ADAMTSL1: variants seen among roughly 807,000 people sequenced by gnomAD.
ADAMTSL1 encodes the protein ADAMTS-like protein 1.
A neutral mutation model predicts 201.8 loss-of-function variants in ADAMTSL1; 126 were observed. The ratio of observed to expected loss-of-function variants is 0.62; its 90% confidence interval spans 0.54 to 0.72. The LOEUF is 0.72. Among genes scored for constraint, ADAMTSL1 ranks in the 30% least tolerant of loss-of-function variants. The probability of loss-of-function intolerance (pLI) is 0.00; values close to 1 mark genes in which losing one functional copy is unlikely to be tolerated. For missense variants in ADAMTSL1, 2,679 were observed against 2,277.8 expected (o/e 1.18, Z -3.59); for synonymous variants, 1,121 against 903.4 (o/e 1.24, Z -4.32).
chr9:18,527,979 G>C (rs1434373885), intron 2 of ADAMTSL1, among the ~76,000 whole-genome samples: 3 of 152,134 alleles, frequency 2.0e-5, no homozygotes, highest in Non-Finnish European at 4.4e-5. Context: ...CTGGGTTCCA[G>C]TGATTCTCCT....
chr9:18,055,673 G>A (rs969470908), intron 1 of ADAMTSL1, among the ~76,000 whole-genome samples: 3 of 152,188 alleles, frequency 2.0e-5, no homozygotes, highest in East Asian at 1.9e-4. Context: ...TCGCAGGGGC[G>A]CTGTGTCTTA....
At chr9:18,825,275 G>A (rs1824475602) in intron 21 of ADAMTSL1, among the ~76,000 whole-genome samples, 1 of 152,124 alleles carries the variant, frequency 6.6e-6, no homozygotes, top group Non-Finnish European at 1.5e-5. Flanking sequence ...AATTCATGGG[G>A]TCCCTAGAGC....
Position 17,909,663 on chromosome 9 carries a change from T to C in ADAMTSL1, c.87+2741T>C, listed in dbSNP as rs1246362615. ...AATACTATGCAGCCATAAAAAATGA[T>C]GAGTTCATGTCCTTTGTAGGGACAT... On this transcript the variant is annotated intron_variant, in intron 1 of 29. Coordinates refer to the ADAMTSL1 transcript ENST00000680146. Among the ~76,000 whole-genome samples, 8 of 67,726 alleles carry C rather than the reference T, an allele frequency of 1.2e-4. 3 individuals are homozygous for C. The highest frequency in any genetic ancestry group is 3.6e-4 in the Non-Finnish European group (8 of 22,328). The allele number at this position is 67,726 out of a possible 152,430, so 44.4% of individuals were successfully genotyped here.
At chr9:18,096,059 T>C (rs935250933) in intron 1 of ADAMTSL1, among the ~76,000 whole-genome samples, 1 of 152,202 alleles carries the variant, frequency 6.6e-6, no homozygotes, top group African/African-American at 2.4e-5. Context: ...AGACTTCCCA[T>C]AGTCAGTCAA....
intron 1 of ADAMTSL1, among the ~76,000 whole-genome samples, chr9:18,011,929 G>T (rs1820069835): frequency 6.6e-6 from 1 of 152,012 alleles, no homozygotes; most frequent in Non-Finnish European, 1.5e-5. Context: ...TGGAGCTTTG[G>T]CAGAGTGTTC....
chr9:18,463,632 A>T (rs964004910), intron 2 of ADAMTSL1, among the ~76,000 whole-genome samples: 5 of 152,178 alleles, frequency 3.3e-5, no homozygotes, highest in African/African-American at 1.2e-4. Flanking sequence ...AAATAAGTAG[A>T]ATCCTACATG....
chr9:18,539,574 C>A (rs1028912842), intron 3 of ADAMTSL1, among the ~76,000 whole-genome samples: 4 of 152,298 alleles, frequency 2.6e-5, no homozygotes, highest in Non-Finnish European at 5.9e-5. Context: ...ACTCTTTGAA[C>A]TATTTGATCA....
chr9:18,261,363 G>T (rs1405011308), intron 2 of ADAMTSL1, among the ~76,000 whole-genome samples: 3 of 152,098 alleles, frequency 2.0e-5, no homozygotes, highest in Non-Finnish European at 4.4e-5. Context: ...AAGCATGGTT[G>T]TGCAATCTAA....
chr9:18,084,118 C>T (rs372542679), intron 1 of ADAMTSL1, among the ~76,000 whole-genome samples: 1 of 152,186 alleles, frequency 6.6e-6, no homozygotes, highest in Non-Finnish European at 1.5e-5. Flanking sequence ...CTTTGCCATG[C>T]GAGAATCAAT....
chr9:17,934,570 C>A (rs1187420952), intron 1 of ADAMTSL1, among the ~76,000 whole-genome samples: 1 of 152,112 alleles, frequency 6.6e-6, no homozygotes, highest in African/African-American at 2.4e-5. Flanking sequence ...AACAATGATA[C>A]CAAATTTCCC....
chr9:18,842,673 T>A (rs1353392919), intron 23 of ADAMTSL1, among the ~76,000 whole-genome samples: 1 of 152,118 alleles, frequency 6.6e-6, no homozygotes, highest in Non-Finnish European at 1.5e-5. Flanking sequence ...GGAGTCTAAG[T>A]CTCTTTGTAG....
chr9:18,815,289 A>C (rs1246508294), intron 20 of ADAMTSL1, among the ~76,000 whole-genome samples: 1 of 152,144 alleles, frequency 6.6e-6, no homozygotes, highest in South Asian at 2.1e-4. Flanking sequence ...CACAATATCC[A>C]AGATATAGAA....
chr9:18,205,248 T>C (rs1414471160), intron 2 of ADAMTSL1, among the ~76,000 whole-genome samples: 5 of 152,208 alleles, frequency 3.3e-5, no homozygotes, highest in Non-Finnish European at 7.3e-5. Flanking sequence ...TGACTCATAA[T>C]TATATACACT....
chr9:18,145,385 G>C (rs901814657), intron 1 of ADAMTSL1, among the ~76,000 whole-genome samples: 35 of 152,140 alleles, frequency 2.3e-4, no homozygotes, highest in African/African-American at 8.2e-4. Flanking sequence ...TGCGTTCTAA[G>C]TGACTCACAT....
At chr9:18,342,711 A>C (rs1003748932) in intron 2 of ADAMTSL1, among the ~76,000 whole-genome samples, 1 of 152,128 alleles carries the variant, frequency 6.6e-6, no homozygotes, top group Non-Finnish European at 1.5e-5. Flanking sequence ...ATATTTAGAA[A>C]AGCTGAGACC....
At chr9:18,624,156 A>C (rs1329677849) in intron 5 of ADAMTSL1, among the ~76,000 whole-genome samples, 1 of 152,226 alleles carries the variant, frequency 6.6e-6, no homozygotes, top group Non-Finnish European at 1.5e-5. Context: ...ACTCCCTTGG[A>C]AACAGTGGAA....
intron 26 of ADAMTSL1, among the ~76,000 whole-genome samples, chr9:18,895,131 C>T (rs897638609): frequency 6.6e-6 from 1 of 152,160 alleles, no homozygotes; most frequent in Non-Finnish European, 1.5e-5. Flanking sequence ...ATCAAACCAG[C>T]AATAGGTTTA....
At chr9:18,234,652 C>CATTT (rs1830769627) in intron 2 of ADAMTSL1, among the ~76,000 whole-genome samples, 1 of 152,140 alleles carries the variant, frequency 6.6e-6, no homozygotes, top group Non-Finnish European at 1.5e-5. Flanking sequence ...ATTTGATTAA[C>CATTT]ATTTAACTGA....
intron 26 of ADAMTSL1, among the ~76,000 whole-genome samples, chr9:18,896,480 CACAG>C (rs148400361): frequency 0.091 from 13,883 of 152,114 alleles, 717 homozygotes; most frequent in East Asian, 0.18. Context: ...CCACAGCTCT[CACAG>C]AGAGGAATGA....
Sources: gnomAD v4.1 joint callset for allele counts (sites outside exome capture counted in the v4.1 genomes callset) on GRCh38, gnomAD v4.1.1 for gene constraint, MANE v1.5 for transcripts, NCBI Gene and HGNC (gene_info 2026-07-23, HGNC 2026-07-21) for gene names.